Variants in ABTB2 observed in about 807,000 individuals in gnomAD.
The protein encoded by ABTB2 is ankyrin repeat and BTB/POZ domain-containing protein 2.
Under a neutral mutation model 104.1 loss-of-function variants are expected in ABTB2, and 56 were observed. The ratio of observed to expected loss-of-function variants is 0.54; its 90% confidence interval spans 0.43 to 0.67. The LOEUF (loss-of-function observed/expected upper bound fraction) is 0.67, where lower values mean the gene tolerates loss of function less well. Ranked by LOEUF, ABTB2 falls within the 30% of genes least tolerant of loss-of-function variation. The pLI is 0.00. For synonymous variants in ABTB2, 606 were observed against 608.2 expected, an observed-to-expected ratio of 1.00 and a Z score of 0.05; for missense variants, 1,279 against 1,407.7, an observed-to-expected ratio of 0.91 and a Z score of 1.46.
intron 2 of ABTB2, among the ~76,000 whole-genome samples, chr11:34,201,548 C>T (rs529588096): frequency 1.4e-4 from 22 of 152,286 alleles, no homozygotes; most frequent in Non-Finnish European, 2.4e-4. Context: ...AGTGAAACTT[C>T]TCACCCTATC....
intron 2 of ABTB2, among the ~76,000 whole-genome samples, chr11:34,199,552 T>A (rs913077292): frequency 6.6e-6 from 1 of 152,182 alleles, no homozygotes; most frequent in African/African-American, 2.4e-5. Context: ...GGTGAACTGA[T>A]AGATTGATTC....
chr11:34,191,761 A>C (rs1853179548), intron 3 of ABTB2, among the ~76,000 whole-genome samples: 1 of 152,184 alleles, frequency 6.6e-6, no homozygotes. Flanking sequence ...GGACCTTCTC[A>C]GCCACAAGCT....
At chr11:34,313,563 A>C (rs1467612044) in intron 1 of ABTB2, among the ~76,000 whole-genome samples, 1 of 152,214 alleles carries the variant, frequency 6.6e-6, no homozygotes, top group Non-Finnish European at 1.5e-5. Flanking sequence ...AACCCAGACC[A>C]TTGGACAAGG....
chr11:34,332,683 G>A (rs1290512131), intron 1 of ABTB2, among the ~76,000 whole-genome samples: 2 of 152,064 alleles, frequency 1.3e-5, no homozygotes, highest in African/African-American at 2.4e-5. Flanking sequence ...AGCCTAGCCC[G>A]CTGTCCAGCA....
chr11:34,239,439 T>G (rs1853886747), intron 1 of ABTB2, among the ~76,000 whole-genome samples: 1 of 152,110 alleles, frequency 6.6e-6, no homozygotes. Context: ...CAAGCAATCC[T>G]CCTACCTCAG....
chr11:34,308,885 AAAG>A (rs1169675829), intron 1 of ABTB2, among the ~76,000 whole-genome samples: 5 of 148,324 alleles, frequency 3.4e-5, no homozygotes, highest in Admixed American at 1.3e-4. Context: ...AAAAAAAAAA[AAAG>A]AAAAGAGAAA....
chr11:34,167,718 CAGAA>C (rs1022971506), intron 6 of ABTB2, among the ~76,000 whole-genome samples, 181 bp downstream of exon 6: 1 of 152,246 alleles, frequency 6.6e-6, no homozygotes, highest in African/African-American at 2.4e-5. Flanking sequence ...CCTTTTCAGA[CAGAA>C]AGCCCAAATC....
chr11:34,304,896 C>G (rs1854752792), intron 1 of ABTB2, among the ~76,000 whole-genome samples: 1 of 152,212 alleles, frequency 6.6e-6, no homozygotes. Context: ...GGCATAGACC[C>G]AGAGTGAATG....
intron 1 of ABTB2, among the ~76,000 whole-genome samples, chr11:34,250,630 C>T (rs1196691084): frequency 6.6e-6 from 1 of 152,200 alleles, no homozygotes; most frequent in Non-Finnish European, 1.5e-5. Context: ...AGTGAACAGA[C>T]ATGGCAGAAA....
chr11:34,261,628 G>T (rs1480565972), intron 1 of ABTB2, among the ~76,000 whole-genome samples: 1 of 152,034 alleles, frequency 6.6e-6, no homozygotes, highest in Non-Finnish European at 1.5e-5. Flanking sequence ...ACCCCAGAAG[G>T]GAAGAGGCCT....
At chr11:34,158,674 G>T (rs956350879) in intron 14 of ABTB2, among the ~76,000 whole-genome samples, 3 of 152,332 alleles carry the variant, frequency 2.0e-5, no homozygotes, top group Non-Finnish European at 4.4e-5. Flanking sequence ...TCCCAGCCAG[G>T]TCTTCCTCTG....
At position 34,254,259 on chromosome 11, in the gene ABTB2, T is replaced by A. The variant is rs146193627; in HGVS notation, c.884-49569A>T. Among the ~76,000 whole-genome samples, 601 of 152,238 alleles carry A rather than the reference T, an allele frequency of 3.9e-3. 3 individuals are homozygous for A. In the Middle Eastern group the frequency reaches 0.041, roughly 10 times the overall value. Reference sequence around the variant, plus strand: ...AGAAATAAAGGGAAGCTTTTTGATTTTTTTTTGAGACAGACTTTCACTTTA... The same window carrying A: ...AGAAATAAAGGGAAGCTTTTTGATTATTTTTTGAGACAGACTTTCACTTTA... On this transcript the variant is annotated intron_variant, in intron 1 of 16. Transcript: ENST00000435224.
At chr11:34,201,726 C>T (rs1243635336) in intron 2 of ABTB2, among the ~76,000 whole-genome samples, 1 of 152,218 alleles carries the variant, frequency 6.6e-6, no homozygotes, top group East Asian at 1.9e-4. Flanking sequence ...CCCTCCTCCA[C>T]AGCAGGTTAG....
intron 1 of ABTB2, among the ~76,000 whole-genome samples, chr11:34,280,887 C>T (rs1854441452): frequency 6.6e-6 from 1 of 152,158 alleles, no homozygotes; most frequent in South Asian, 2.1e-4. Context: ...TTTCCTCACA[C>T]CATACTACTT....
chr11:34,308,010 G>C (rs1232925174), intron 1 of ABTB2, among the ~76,000 whole-genome samples: 1 of 152,160 alleles, frequency 6.6e-6, no homozygotes, highest in Non-Finnish European at 1.5e-5. Context: ...GACTCTCTAA[G>C]TCACAGCATG....
chr11:34,207,716 C>T (rs1853426506), intron 1 of ABTB2, among the ~76,000 whole-genome samples: 1 of 152,222 alleles, frequency 6.6e-6, no homozygotes, highest in Non-Finnish European at 1.5e-5. Context: ...CCTAAGGTCA[C>T]TGAGGGTCAG....
At chr11:34,290,460 C>T (rs766599353) in intron 1 of ABTB2, among the ~76,000 whole-genome samples, 17 of 152,114 alleles carry the variant, frequency 1.1e-4, no homozygotes, top group Non-Finnish European at 2.9e-5. Flanking sequence ...TGATAGTAAT[C>T]GAAGATAGCA....
intron 3 of ABTB2, among the ~76,000 whole-genome samples, chr11:34,185,786 T>C (rs1052476480): frequency 2.0e-5 from 3 of 152,174 alleles, no homozygotes; most frequent in Non-Finnish European, 2.9e-5. Flanking sequence ...TTAATAACAA[T>C]GTATTATATG....
intron 1 of ABTB2, among the ~76,000 whole-genome samples, chr11:34,341,404 G>A (rs1365081579): frequency 6.6e-6 from 1 of 152,160 alleles, no homozygotes; most frequent in African/African-American, 2.4e-5. Context: ...GCTGGGGAAT[G>A]GTTGAAATTT....
Sources: gnomAD v4.1 joint callset for allele counts (sites outside exome capture counted in the v4.1 genomes callset) on GRCh38, gnomAD v4.1.1 for gene constraint, MANE v1.5 for transcripts, NCBI Gene and HGNC (gene_info 2026-07-23, HGNC 2026-07-21) for gene names.